FAM163A: variants seen among roughly 807,000 people sequenced by gnomAD.
The protein encoded by FAM163A is family with sequence similarity 163 member A, also known as protein FAM163A.
A neutral mutation model predicts 12.0 loss-of-function variants in FAM163A; 7 were observed. The observed-to-expected ratio is 0.58, with a 90% CI of 0.33 to 1.10. The LOEUF (loss-of-function observed/expected upper bound fraction) is 1.10, where lower values mean the gene tolerates loss of function less well. FAM163A is among the 50% of genes least tolerant of loss of function. FAM163A has a pLI of 0.03. For synonymous variants in FAM163A, 101 were observed against 91.0 expected (o/e 1.11, Z -0.62); for missense variants, 202 against 218.6 (o/e 0.92, Z 0.48).
rs548417769 is a variant in FAM163A, at chr1:179,774,156, A to C, written c.-136+30733A>C. On this transcript the variant is annotated intron_variant, in intron 1 of 4. Coordinates refer to ENST00000341785, the MANE Select transcript of FAM163A (RefSeq NM_173509.3). ...CTGAACCTCACTGTGCCCCCATGGG[A>C]AGGAATTAAACCACTTGTCAGGAGC... Among the ~76,000 whole-genome samples the C allele has an allele frequency of 1.1e-4, 16 of 152,302 alleles. No homozygotes were observed. In the East Asian group the frequency reaches 2.9e-3, roughly 28 times the overall value.
At position 179,814,247 on chromosome 1, in the gene FAM163A, G is replaced by A. The variant is rs1357975723; in HGVS notation, c.*58G>A. On this transcript the variant is annotated 3_prime_UTR_variant, in exon 5 of 5. Coordinates refer to ENST00000341785, the MANE Select transcript of FAM163A (RefSeq NM_173509.3). ...ACTGCTGCCCTGGCGGGGGCCATGG[G>A]GGTGATGAATGACCCTCCAACAGCC... The A allele has an allele frequency of 2.6e-6, 4 of 1,529,354 alleles. No individual in the cohort carries two copies. The highest frequency in any genetic ancestry group is 1.4e-5 in the African/African-American group (1 of 72,234). The allele number at this position is 1,529,354 out of a possible 1,614,324, so 94.7% of individuals were successfully genotyped here.
At chr1:179,803,076 A>G (rs1693413138) in intron 1 of FAM163A, among the ~76,000 whole-genome samples, 1 of 152,216 alleles carries the variant, frequency 6.6e-6, no homozygotes, top group African/African-American at 2.4e-5. Context: ...CAATCAAAGT[A>G]AAGGGAACCC....
At chr1:179,744,619 G>A (rs1392973603) in intron 1 of FAM163A, among the ~76,000 whole-genome samples, 1 of 152,200 alleles carries the variant, frequency 6.6e-6, no homozygotes, top group African/African-American at 2.4e-5. Context: ...GGAACTGTGG[G>A]GCCCTGGAAG....
At chr1:179,745,008 C>T (rs773333299) in intron 1 of FAM163A, among the ~76,000 whole-genome samples, 3 of 152,192 alleles carry the variant, frequency 2.0e-5, no homozygotes, top group Non-Finnish European at 4.4e-5. Context: ...GACGTTCAGA[C>T]CCTGAAAGAG....
At chr1:179,811,493 T>G (rs904867091) in intron 2 of FAM163A, among the ~76,000 whole-genome samples, 66 of 152,192 alleles carry the variant, frequency 4.3e-4, no homozygotes, top group African/African-American at 1.6e-3. Flanking sequence ...CTTGTTAAAA[T>G]GCAAACTCTG....
At chr1:179,778,010 T>C (rs1689219194) in intron 1 of FAM163A, among the ~76,000 whole-genome samples, 2 of 152,230 alleles carry the variant, frequency 1.3e-5, no homozygotes, top group South Asian at 2.1e-4. Flanking sequence ...ATGATGGTGT[T>C]ATGTTCCCAT....
At chr1:179,811,800 C>G (rs1355442792) in intron 2 of FAM163A, among the ~76,000 whole-genome samples, 1 of 152,202 alleles carries the variant, frequency 6.6e-6, no homozygotes, top group Non-Finnish European at 1.5e-5. Context: ...CGGGACAGCT[C>G]TGGTGGAGCC....
chr1:179,729,736 C>T, the FAM163A span, among the ~76,000 whole-genome samples: 5 of 152,230 alleles, frequency 3.3e-5, no homozygotes, highest in African/African-American at 9.6e-5. Flanking sequence ...AGACCAGCTC[C>T]TGGCCCCTAG....
chr1:179,785,850 T>C (rs1413664562), intron 1 of FAM163A, among the ~76,000 whole-genome samples: 1 of 152,238 alleles, frequency 6.6e-6, no homozygotes, highest in Non-Finnish European at 1.5e-5. Flanking sequence ...ACATGTGCCA[T>C]AGTGTATTTA....
At chr1:179,802,317 G>A (rs893214153) in intron 1 of FAM163A, among the ~76,000 whole-genome samples, 1 of 152,198 alleles carries the variant, frequency 6.6e-6, no homozygotes, top group Non-Finnish European at 1.5e-5. Flanking sequence ...TGCCTCTCAT[G>A]CTTGGTTGTT....
At chr1:179,744,275 C>A (rs1424876841) in intron 1 of FAM163A, among the ~76,000 whole-genome samples, 7 of 152,152 alleles carry the variant, frequency 4.6e-5, no homozygotes, top group Non-Finnish European at 1.0e-4. Flanking sequence ...GAGGGCCCTG[C>A]GCGCTCAAGG....
chr1:179,769,900 C>CTTTTTTTTT (rs1196869449), intron 1 of FAM163A, among the ~76,000 whole-genome samples: 3 of 97,130 alleles, frequency 3.1e-5, no homozygotes, highest in Non-Finnish European at 5.7e-5. Flanking sequence ...ATCCCTAATT[C>CTTTTTTTTT]TTTTTTTTTT....
chr1:179,806,005 CA>C (rs1190856398), intron 1 of FAM163A, among the ~76,000 whole-genome samples: 1 of 152,206 alleles, frequency 6.6e-6, no homozygotes, highest in Non-Finnish European at 1.5e-5. Flanking sequence ...GACACTTACA[CA>C]ATATTGACTC....
In FAM163A at chr1:179,748,122, G is replaced by C. The variant is rs565072241; in HGVS notation, c.-136+4699G>C. Among the ~76,000 whole-genome samples the C allele has an allele frequency of 7.9e-5, 12 of 152,288 alleles. No individual in the cohort carries two copies. In the East Asian group the frequency reaches 2.1e-3, roughly 27 times the overall value. ...CCACTAAGCCCCAAGTCTGTGCTGGGAGTCTGTCTGTTGTTTGGAAAAAAC... is the reference window on the plus strand; with the variant it reads ...CCACTAAGCCCCAAGTCTGTGCTGGCAGTCTGTCTGTTGTTTGGAAAAAAC... On this transcript the variant is annotated intron_variant, in intron 1 of 4. Coordinates refer to ENST00000341785, the MANE Select transcript of FAM163A (RefSeq NM_173509.3).
At chr1:179,767,048 C>A (rs1314967439) in intron 1 of FAM163A, among the ~76,000 whole-genome samples, 1 of 152,126 alleles carries the variant, frequency 6.6e-6, no homozygotes, top group Non-Finnish European at 1.5e-5. Context: ...GAACCACCGC[C>A]CCCGGCCTTT....
chr1:179,775,243 A>G (rs186917790), intron 1 of FAM163A, among the ~76,000 whole-genome samples: 3 of 152,218 alleles, frequency 2.0e-5, no homozygotes, highest in African/African-American at 7.2e-5. Context: ...GAAATTACAG[A>G]GGTCATACTC....
intron 1 of FAM163A, among the ~76,000 whole-genome samples, chr1:179,776,477 C>T (rs1201335765): frequency 6.8e-6 from 1 of 147,920 alleles, no homozygotes; most frequent in Non-Finnish European, 1.5e-5. Context: ...GACGAAAGAG[C>T]AAGACTCCAT....
intron 1 of FAM163A, among the ~76,000 whole-genome samples, chr1:179,806,382 C>T (rs996905856): frequency 3.3e-5 from 5 of 152,214 alleles, no homozygotes; most frequent in African/African-American, 4.8e-5. Flanking sequence ...CCAGAATGTC[C>T]AAGGCAGGAG....
At chr1:179,759,137 T>C (rs935403192) in intron 1 of FAM163A, among the ~76,000 whole-genome samples, 4 of 152,138 alleles carry the variant, frequency 2.6e-5, no homozygotes, top group Admixed American at 6.5e-5. Context: ...GGCCAACAAT[T>C]CTTTGTCACG....
Sources: gnomAD v4.1 joint callset for allele counts (sites outside exome capture counted in the v4.1 genomes callset) on GRCh38, gnomAD v4.1.1 for gene constraint, MANE v1.5 for transcripts, NCBI Gene and HGNC (gene_info 2026-07-23, HGNC 2026-07-21) for gene names.